TRAPPC9: variants seen among roughly 807,000 people sequenced by gnomAD.
TRAPPC9 encodes trafficking protein particle complex subunit 9, also known as IKK2 binding protein.
Under a neutral mutation model 124.0 loss-of-function variants are expected in TRAPPC9, and 83 were observed. The observed-to-expected ratio is 0.67, with a 90% CI of 0.56 to 0.80. The LOEUF (loss-of-function observed/expected upper bound fraction) is 0.80. TRAPPC9 is among the 30% of genes least tolerant of loss of function. TRAPPC9 has a pLI of 0.00. For synonymous variants in TRAPPC9, 638 were observed against 617.5 expected (o/e 1.03, Z -0.49); for missense variants, 1,302 against 1,508.3 (o/e 0.86, Z 2.27).
At chr8:139,804,125 CCA>C (rs1449726725) in intron 21 of TRAPPC9, among the ~76,000 whole-genome samples, 15 of 146,720 alleles carry the variant, frequency 1.0e-4, no homozygotes, top group African/African-American at 3.7e-4. Flanking sequence ...AACACCACCA[CCA>C]CACACACACC....
At chr8:140,394,581 G>T (rs575494583) in intron 7 of TRAPPC9, among the ~76,000 whole-genome samples, 15 of 152,146 alleles carry the variant, frequency 9.9e-5, no homozygotes, top group Admixed American at 4.6e-4. Context: ...ACTCCACTGC[G>T]ACTCCCAGCT....
intron 6 of TRAPPC9, among the ~76,000 whole-genome samples, chr8:140,398,928 C>G (rs895768196): frequency 6.6e-6 from 1 of 152,212 alleles, no homozygotes; most frequent in East Asian, 1.9e-4. Context: ...TTTCGTGGGC[C>G]GGGCCCAGGG....
At chr8:140,156,227 T>TAC (rs2061627723) in intron 17 of TRAPPC9, among the ~76,000 whole-genome samples, 1 of 152,154 alleles carries the variant, frequency 6.6e-6, no homozygotes, top group African/African-American at 2.4e-5. Context: ...AAGAAAATGA[T>TAC]AAACACACAG....
At chr8:140,079,513 G>T (rs990645587) in intron 17 of TRAPPC9, among the ~76,000 whole-genome samples, 10 of 152,154 alleles carry the variant, frequency 6.6e-5, no homozygotes, top group African/African-American at 2.4e-4. Flanking sequence ...CTGCAGAAGG[G>T]CAGTGAAGTT....
intron 17 of TRAPPC9, among the ~76,000 whole-genome samples, chr8:140,117,360 G>A (rs2060908100): frequency 6.6e-6 from 1 of 152,176 alleles, no homozygotes; most frequent in Admixed American, 6.5e-5. Flanking sequence ...AATTTATAAG[G>A]AGCAACTGGC....
chr8:139,783,172 G>A (rs1225656650), intron 21 of TRAPPC9, among the ~76,000 whole-genome samples: 1 of 151,768 alleles, frequency 6.6e-6, no homozygotes, highest in Non-Finnish European at 1.5e-5. Context: ...GAAAAGAAAA[G>A]GATGAACAGC....
At chr8:140,432,930 A>G (rs912420599) in intron 4 of TRAPPC9, among the ~76,000 whole-genome samples, 71 of 152,150 alleles carry the variant, frequency 4.7e-4, no homozygotes, top group African/African-American at 1.6e-3. Flanking sequence ...AGTGTCTTAC[A>G]AAAAAATACT....
intron 21 of TRAPPC9, among the ~76,000 whole-genome samples, chr8:139,762,980 G>C (rs990949529): frequency 6.6e-6 from 1 of 152,216 alleles, no homozygotes; most frequent in African/African-American, 2.4e-5. Flanking sequence ...GGCTGCAGCT[G>C]CAGCCGGGGC....
intron 19 of TRAPPC9, among the ~76,000 whole-genome samples, chr8:139,972,469 T>A (rs180789469): frequency 2.6e-4 from 39 of 152,316 alleles, no homozygotes; most frequent in Admixed American, 1.9e-3. Flanking sequence ...TTCCTCTGCA[T>A]CCTTGCAAAT....
chr8:139,874,419 G>A (rs538927031), intron 21 of TRAPPC9, among the ~76,000 whole-genome samples: 5 of 152,344 alleles, frequency 3.3e-5, no homozygotes, highest in East Asian at 1.9e-4. Context: ...GACACAGCCC[G>A]CAGACAGTAC....
intron 17 of TRAPPC9, among the ~76,000 whole-genome samples, chr8:140,187,589 T>C (rs553373109): frequency 1.3e-5 from 2 of 152,278 alleles, no homozygotes; most frequent in African/African-American, 4.8e-5. Context: ...CTAAATCCCT[T>C]TTCTACATCC....
At chr8:139,731,299 G>A in intron 22 of TRAPPC9, 71 bp from the exon 23 acceptor site, 2 of 1,571,714 alleles carry the variant, frequency 1.3e-6, no homozygotes, top group South Asian at 1.1e-5. Context: ...CAGGAATCCT[G>A]GGAATCTGCC....
chr8:139,758,700 T>C (rs1435526975), intron 21 of TRAPPC9, among the ~76,000 whole-genome samples: 1 of 152,144 alleles, frequency 6.6e-6, no homozygotes, highest in Non-Finnish European at 1.5e-5. Flanking sequence ...TGTCAGAAGG[T>C]GAAGGCGGTT....
chr8:140,064,258 G>A (rs549837340), intron 17 of TRAPPC9, among the ~76,000 whole-genome samples: 12 of 152,198 alleles, frequency 7.9e-5, no homozygotes, highest in African/African-American at 2.7e-4. Flanking sequence ...TATGTGAAAT[G>A]GTCAGCTTTC....
chr8:140,122,019 TTCTTTCTCTCTC>T (rs1171518780), intron 17 of TRAPPC9, among the ~76,000 whole-genome samples: 5 of 76,932 alleles, frequency 6.5e-5, no homozygotes, highest in African/African-American at 1.7e-4. Flanking sequence ...CTTTCTTTCT[TTCTTTCTCTCTC>T]TCTCTCTCTC....
chr8:140,455,424 CTTG>C (rs2071619492), intron 1 of TRAPPC9, among the ~76,000 whole-genome samples: 1 of 149,856 alleles, frequency 6.7e-6, no homozygotes, highest in Admixed American at 6.7e-5. Flanking sequence ...CAACATTATT[CTTG>C]TTTTTTGTTT....
At chr8:140,034,021 C>T (rs186238940) in intron 17 of TRAPPC9, among the ~76,000 whole-genome samples, 3 of 152,292 alleles carry the variant, frequency 2.0e-5, no homozygotes, top group Non-Finnish European at 4.4e-5. Flanking sequence ...TCTGTAAGAT[C>T]TATAGTATGT....
intron 17 of TRAPPC9, among the ~76,000 whole-genome samples, chr8:140,032,483 C>T (rs1490039860): frequency 6.6e-6 from 1 of 152,076 alleles, no homozygotes; most frequent in Admixed American, 6.5e-5. Context: ...CTTTGTATGC[C>T]TTATTGTTTG....
rs573216259 is a variant in TRAPPC9, at chr8:139,814,338, C to T, written c.3055+71541G>A. ...GCGATGAGAAGCCAAAAACAGTCAC[C>T]GTCGCTGCTCAGAACCCCTCAAGCT... is the stretch of plus-strand genomic sequence containing the variant. On this transcript the variant is annotated intron_variant, in intron 21 of 22. Coordinates refer to ENST00000438773, the MANE Select transcript of TRAPPC9 (RefSeq NM_001160372.4). Among the ~76,000 whole-genome samples, 394 of 152,306 alleles carry T rather than the reference C, an allele frequency of 2.6e-3. 3 individuals are homozygous for T. Among genetic ancestry groups the T allele is most frequent in the Non-Finnish European group, 3.2e-3 (216 of 68,034 alleles).
Sources: gnomAD v4.1 joint callset for allele counts (sites outside exome capture counted in the v4.1 genomes callset) on GRCh38, gnomAD v4.1.1 for gene constraint, MANE v1.5 for transcripts, NCBI Gene and HGNC (gene_info 2026-07-23, HGNC 2026-07-21) for gene names.